Variants in CNTN5 observed in about 807,000 individuals in gnomAD.
CNTN5 encodes contactin 5, also known as contactin-5.
CNTN5 carries 77 observed loss-of-function variants against 129.1 expected under a neutral mutation model. The ratio of observed to expected loss-of-function variants is 0.60; its 90% CI spans 0.50 to 0.72. The LOEUF (loss-of-function observed/expected upper bound fraction) is 0.72. Ranked by LOEUF, CNTN5 falls within the 30% of genes least tolerant of loss-of-function variation. The pLI is 0.00. For synonymous variants in CNTN5, 509 were observed against 465.6 expected, an observed-to-expected ratio of 1.09 and a Z score of -1.20; for missense variants, 1,478 against 1,328.8, an observed-to-expected ratio of 1.11 and a Z score of -1.75.
chr11:99,243,293 AT>A (rs1464620295), intron 1 of CNTN5, among the ~76,000 whole-genome samples: 2 of 151,726 alleles, frequency 1.3e-5, no homozygotes, highest in Non-Finnish European at 2.9e-5. Context: ...TCTTTTGCCC[AT>A]TTTTTAATGG....
At chr11:100,234,465 T>TA (rs916516805) in intron 16 of CNTN5, among the ~76,000 whole-genome samples, 10 of 151,932 alleles carry the variant, frequency 6.6e-5, no homozygotes, top group Admixed American at 3.3e-4. Context: ...TATACAGCCG[T>TA]AAAAAAAGAT....
chr11:99,094,398 T>C (rs368336631), intron 1 of CNTN5, among the ~76,000 whole-genome samples: 45 of 152,148 alleles, frequency 3.0e-4, no homozygotes, highest in African/African-American at 1.0e-3. Context: ...CCTGTTGAAA[T>C]ATATTTAGAA....
At chr11:99,046,044 G>C (rs913977507) in intron 1 of CNTN5, among the ~76,000 whole-genome samples, 5 of 152,058 alleles carry the variant, frequency 3.3e-5, no homozygotes, top group African/African-American at 1.2e-4. Context: ...ACTTGCAAAA[G>C]TCTAAGGAGT....
At chr11:99,774,916 T>A (rs1365698634) in intron 3 of CNTN5, among the ~76,000 whole-genome samples, 1 of 152,104 alleles carries the variant, frequency 6.6e-6, no homozygotes, top group East Asian at 1.9e-4. Flanking sequence ...TATTTCTTAG[T>A]GATTTGGCTG....
At position 99,540,764 on chromosome 11, in the gene CNTN5, T is replaced by A. The variant is rs946346069; in HGVS notation, c.-70-15381T>A. Among the ~76,000 whole-genome samples, 21 of 152,182 alleles carry A rather than the reference T, an allele frequency of 1.4e-4. No individual in the cohort carries two copies. In the East Asian group the frequency reaches 4.1e-3, roughly 30 times the overall value. ...TATGTCTGTCTTTCTCACTATTATA[T>A]CTGCCTATCACAGAAATTTGGTATA... On this transcript the variant is annotated intron_variant, in intron 2 of 24. Coordinates refer to ENST00000524871, the MANE Select transcript of CNTN5 (RefSeq NM_014361.4).
intron 9 of CNTN5, among the ~76,000 whole-genome samples, chr11:100,020,063 T>C (rs1403446309): frequency 6.6e-6 from 1 of 152,038 alleles, no homozygotes; most frequent in Non-Finnish European, 1.5e-5. Flanking sequence ...GATTTGCAAA[T>C]ATTTTCTCCC....
At chr11:99,121,452 T>G (rs1366921475) in intron 1 of CNTN5, among the ~76,000 whole-genome samples, 1 of 152,148 alleles carries the variant, frequency 6.6e-6, no homozygotes, top group Non-Finnish European at 1.5e-5. Context: ...TATTCTTTCA[T>G]TCCCTGTACA....
chr11:99,909,583 C>T lies in CNTN5; in HGVS notation c.578-6471C>T, dbSNP rs560523965. ...AAGCCAAATGTCCAACAATGATAGACTGGATTAAGAAAATGTGGCACATAT... is the reference window on the plus strand; with the variant it reads ...AAGCCAAATGTCCAACAATGATAGATTGGATTAAGAAAATGTGGCACATAT... On this transcript the variant is annotated intron_variant, in intron 6 of 24. Coordinates refer to ENST00000524871, the MANE Select transcript of CNTN5 (RefSeq NM_014361.4). Among the ~76,000 whole-genome samples the T allele has an allele frequency of 5.3e-5, 8 of 152,192 alleles. No individual in the cohort carries two copies. In the South Asian group the frequency reaches 1.7e-3, roughly 32 times the overall value.
At chr11:99,382,340 A>T (rs777035840) in intron 2 of CNTN5, among the ~76,000 whole-genome samples, 2 of 152,154 alleles carry the variant, frequency 1.3e-5, no homozygotes, top group Admixed American at 6.5e-5. Flanking sequence ...TCTGCTGGAC[A>T]GAAATTGGCT....
At chr11:99,755,583 T>C (rs1472292156) in intron 3 of CNTN5, among the ~76,000 whole-genome samples, 2 of 152,204 alleles carry the variant, frequency 1.3e-5, no homozygotes, top group African/African-American at 4.8e-5. Flanking sequence ...TTTATTAACA[T>C]TTAAATGTTC....
intron 1 of CNTN5, among the ~76,000 whole-genome samples, chr11:99,236,859 T>G (rs1325730078): frequency 6.6e-6 from 1 of 152,188 alleles, no homozygotes; most frequent in Non-Finnish European, 1.5e-5. Context: ...TCATTCAGTT[T>G]GCTCTCGGAG....
chr11:100,148,487 G>A (rs543308065), intron 13 of CNTN5, among the ~76,000 whole-genome samples: 2 of 152,090 alleles, frequency 1.3e-5, no homozygotes, highest in African/African-American at 4.8e-5. Context: ...AGTATGCAGG[G>A]CACTCACTGT....
At chr11:99,540,864 T>C (rs896290802) in intron 2 of CNTN5, among the ~76,000 whole-genome samples, 3 of 152,180 alleles carry the variant, frequency 2.0e-5, no homozygotes, top group South Asian at 2.1e-4. Flanking sequence ...TAGATAAGTC[T>C]ACGAAGGCAA....
intron 7 of CNTN5, among the ~76,000 whole-genome samples, chr11:99,940,941 C>G (rs980635373): frequency 3.9e-5 from 6 of 151,940 alleles, no homozygotes; most frequent in African/African-American, 1.4e-4. Context: ...AATGAAAAAA[C>G]AAGGATGGCA....
intron 1 of CNTN5, among the ~76,000 whole-genome samples, chr11:99,160,494 A>T (rs1331204092): frequency 6.6e-6 from 1 of 152,154 alleles, no homozygotes; most frequent in Non-Finnish European, 1.5e-5. Flanking sequence ...TTTACACTGT[A>T]CCTCACCTAA....
chr11:100,184,220 C>T (rs1948227183), intron 13 of CNTN5, among the ~76,000 whole-genome samples: 1 of 152,066 alleles, frequency 6.6e-6, no homozygotes, highest in African/African-American at 2.4e-5. Context: ...CACTACAGTA[C>T]ATTTACATAT....
chr11:99,227,641 T>C (rs1249938557), intron 1 of CNTN5, among the ~76,000 whole-genome samples: 2 of 152,216 alleles, frequency 1.3e-5, no homozygotes, highest in African/African-American at 4.8e-5. Flanking sequence ...GTCCTTGTGC[T>C]TCAATGCGTT....
At chr11:99,924,684 C>T (rs1950021057) in intron 7 of CNTN5, among the ~76,000 whole-genome samples, 1 of 151,784 alleles carries the variant, frequency 6.6e-6, no homozygotes, top group African/African-American at 2.4e-5. Flanking sequence ...GGTTTATTTG[C>T]CCTCTTTTTA....
rs201414239 is a variant in CNTN5 at position 99,914,356 on chromosome 11, A to AT, written c.578-1692dup. On this transcript the variant is annotated intron_variant, in intron 6 of 24. Coordinates refer to ENST00000524871, the MANE Select transcript of CNTN5 (RefSeq NM_014361.4). Reference sequence around the variant, plus strand: ...CATGCTTTGATTTCATATTAAGATCATTTTTTGGAAAAAAAAGCCTCTAAG... The same window carrying AT: ...CATGCTTTGATTTCATATTAAGATCATTTTTTTGGAAAAAAAAGCCTCTAAG... 3.8e-3 allele frequency among the ~76,000 whole-genome samples: 578 copies of AT among 152,160 alleles called. 6 individuals carry two copies. Among genetic ancestry groups the AT allele is most frequent in the African/African-American group, 0.012 (519 of 41,540 alleles).
Sources: gnomAD v4.1 joint callset for allele counts (sites outside exome capture counted in the v4.1 genomes callset) on GRCh38, gnomAD v4.1.1 for gene constraint, MANE v1.5 for transcripts, NCBI Gene and HGNC (gene_info 2026-07-23, HGNC 2026-07-21) for gene names.